The following MYT1L variants were observed in gnomAD, a reference collection of about 807,000 sequenced individuals.
MYT1L encodes the protein myelin transcription factor 1-like protein.
A neutral mutation model predicts 126.7 loss-of-function variants in MYT1L; 12 were observed. That is an observed-to-expected ratio of 0.09 (90% CI 0.06 to 0.15). The LOEUF (loss-of-function observed/expected upper bound fraction) is 0.15. Ranked by LOEUF, MYT1L falls within the 10% of genes least tolerant of loss-of-function variation. The pLI is 1.00. For missense variants in MYT1L, 979 were observed against 1,585.2 expected, an observed-to-expected ratio of 0.62 and a Z score of 6.49; for synonymous variants, 541 against 604.2, an observed-to-expected ratio of 0.90 and a Z score of 1.53.
rs567944808 is a variant in MYT1L at position 1,903,198 on chromosome 2, G to A, written c.1914C>T (p.Leu638=). ...CAAACGAGGTCTTGGAATATTTCTCGAGCTCCTTGGCCAGGTTGGAACGCG... is the reference window on the plus strand; with the variant it reads ...CAAACGAGGTCTTGGAATATTTCTCAAGCTCCTTGGCCAGGTTGGAACGCG... ...TTPRSNLAKE[L]EKYSKTSFEY... is the part of the protein sequence containing the mutation. Residue 638 remains leucine (L), a synonymous_variant, in exon 14 of 25, where the codon CTC becomes CTT. Coordinates refer to ENST00000647738, the MANE Select transcript of MYT1L (RefSeq NM_001303052.2). 2.5e-6 allele frequency: 4 copies of A among 1,613,768 alleles called. No homozygotes were observed. Among genetic ancestry groups the A allele is most frequent in the East Asian group, 2.2e-5 (1 of 44,886 alleles).
At chr2:2,138,694 T>A (rs1345590033) in intron 3 of MYT1L, among the ~76,000 whole-genome samples, 1 of 73,746 alleles carries the variant, frequency 1.4e-5, no homozygotes, top group African/African-American at 5.6e-5. Context: ...GGGACTGTTG[T>A]GGGGTGGGGG....
intron 1 of MYT1L, among the ~76,000 whole-genome samples, chr2:2,303,232 A>C (rs1014720195): frequency 1.3e-5 from 2 of 152,228 alleles, no homozygotes; most frequent in Non-Finnish European, 2.9e-5. Context: ...GACTTGTTGA[A>C]AAAGCGGATC....
chr2:1,930,582 C>T (rs575701683), intron 9 of MYT1L, among the ~76,000 whole-genome samples: 7 of 152,292 alleles, frequency 4.6e-5, no homozygotes, highest in Admixed American at 3.3e-4. Flanking sequence ...GCAGAAGCGT[C>T]GGGGCTGCTG....
intron 21 of MYT1L, among the ~76,000 whole-genome samples, chr2:1,814,030 A>AG: frequency 6.8e-6 from 1 of 146,592 alleles, no homozygotes; most frequent in African/African-American, 2.5e-5. Flanking sequence ...CCGTCCCCAA[A>AG]AAAAAAAAAA....
chr2:1,876,134 G>C (rs112071961), intron 18 of MYT1L, among the ~76,000 whole-genome samples: 9 of 152,290 alleles, frequency 5.9e-5, no homozygotes, highest in African/African-American at 2.2e-4. Context: ...GGGGAATGCT[G>C]TACTCTCAGG....
chr2:2,177,593 T>C (rs2090956020), intron 2 of MYT1L, among the ~76,000 whole-genome samples: 2 of 152,306 alleles, frequency 1.3e-5, no homozygotes, highest in South Asian at 4.1e-4. Flanking sequence ...CAGCTCCACA[T>C]GGCTGGGAAG....
intron 1 of MYT1L, among the ~76,000 whole-genome samples, chr2:2,309,110 A>G (rs2095909363): frequency 6.6e-6 from 1 of 151,738 alleles, no homozygotes; most frequent in South Asian, 2.1e-4. Context: ...TACTCTACTC[A>G]TACTCCACCC....
chr2:2,027,025 C>A lies in MYT1L; in HGVS notation c.-158+26953G>T, dbSNP rs116294963. Reference sequence around the variant, plus strand: ...GGGCAGCGTCCAGGCGGGGGCACATCGGATCGCTCCACCTGGACCCCTCGC... The same window carrying A: ...GGGCAGCGTCCAGGCGGGGGCACATAGGATCGCTCCACCTGGACCCCTCGC... On this transcript the variant is annotated intron_variant, in intron 4 of 24. Transcript: ENST00000647738. Among the ~76,000 whole-genome samples, 890 of 152,274 alleles carry A rather than the reference C, an allele frequency of 5.8e-3. 4 individuals are homozygous for A. Among genetic ancestry groups the A allele is most frequent in the African/African-American group, 0.02 (844 of 41,558 alleles).
At chr2:2,223,121 G>A (rs757498723) in intron 2 of MYT1L, among the ~76,000 whole-genome samples, 2 of 152,170 alleles carry the variant, frequency 1.3e-5, no homozygotes, top group South Asian at 2.1e-4. Context: ...GCTGAGATTC[G>A]AGCCTTGAAT....
intron 21 of MYT1L, among the ~76,000 whole-genome samples, chr2:1,815,379 G>A (rs906044917): frequency 6.6e-6 from 1 of 152,198 alleles, no homozygotes; most frequent in Non-Finnish European, 1.5e-5. Flanking sequence ...CACTCGTCAT[G>A]AGGGGGTGCA....
intron 1 of MYT1L, among the ~76,000 whole-genome samples, chr2:2,301,095 A>G (rs1559603810): frequency 1.3e-5 from 2 of 152,036 alleles, no homozygotes; most frequent in Non-Finnish European, 2.9e-5. Context: ...ACAACATGGA[A>G]GCCTACGTTC....
chr2:1,870,741 CA>C (rs1281741917), intron 18 of MYT1L, among the ~76,000 whole-genome samples: 1 of 152,212 alleles, frequency 6.6e-6, no homozygotes, highest in East Asian at 1.9e-4. Flanking sequence ...AAATGTTAAT[CA>C]ACATTGTTTG....
At position 2,054,542 on chromosome 2, in the gene MYT1L, C is replaced by T. The variant is rs950296065; in HGVS notation, c.-303-419G>A. Among the ~76,000 whole-genome samples the T allele has an allele frequency of 8.0e-5, 12 of 150,754 alleles. No homozygotes were observed. In the East Asian group the frequency reaches 1.4e-3, roughly 17 times the overall value. ...TGAGATCCATGGGGATGATAAGACA[C>T]GTGGAGATGAGACAGATGCAGATGA... is the stretch of plus-strand genomic sequence containing the variant. On this transcript the variant is annotated intron_variant, in intron 3 of 24. Coordinates refer to ENST00000647738, the MANE Select transcript of MYT1L (RefSeq NM_001303052.2).
At chr2:1,796,667 CG>C (rs1330369179) in intron 23 of MYT1L, among the ~76,000 whole-genome samples, 1 of 151,170 alleles carries the variant, frequency 6.6e-6, no homozygotes, top group Non-Finnish European at 1.5e-5. Flanking sequence ...GTTTGGGCCA[CG>C]GGGGGCAGCA....
At chr2:2,111,046 C>T (rs545378056) in intron 3 of MYT1L, among the ~76,000 whole-genome samples, 1 of 152,268 alleles carries the variant, frequency 6.6e-6, no homozygotes, top group African/African-American at 2.4e-5. Flanking sequence ...TTTCCCTTGG[C>T]CAGGAGCTAT....
At chr2:2,270,274 G>A (rs1048353785) in intron 2 of MYT1L, among the ~76,000 whole-genome samples, 4 of 152,242 alleles carry the variant, frequency 2.6e-5, no homozygotes, top group Non-Finnish European at 5.9e-5. Context: ...TAAGCCGTCT[G>A]GTAGTTGGTG....
At chr2:1,834,876 C>T (rs12465674) in intron 21 of MYT1L, among the ~76,000 whole-genome samples, 2 of 78,224 alleles carry the variant, frequency 2.6e-5, no homozygotes, top group Admixed American at 1.1e-4. Context: ...GGTACTCCTC[C>T]ACATACCATG....
intron 3 of MYT1L, among the ~76,000 whole-genome samples, chr2:2,102,043 T>C (rs561109139): frequency 6.6e-6 from 1 of 152,320 alleles, no homozygotes; most frequent in South Asian, 2.1e-4. Context: ...GAATACATTA[T>C]CTCAGAAACC....
intron 4 of MYT1L, among the ~76,000 whole-genome samples, chr2:2,027,947 G>T (rs2065822481): frequency 6.6e-6 from 1 of 152,190 alleles, no homozygotes; most frequent in African/African-American, 2.4e-5. Flanking sequence ...ACTGAAGAAT[G>T]TCACTGTGTT....
Sources: allele counts gnomAD v4.1 joint callset (sites outside exome capture counted in the v4.1 genomes callset), GRCh38; gene constraint gnomAD v4.1.1; transcripts MANE v1.5; gene names NCBI Gene and HGNC (gene_info 2026-07-23, HGNC 2026-07-21).